SLC18B1: variants seen among roughly 807,000 people sequenced by gnomAD.
SLC18B1 encodes the protein solute carrier family 18 member B1, also known as MFS-type transporter SLC18B1.
A neutral mutation model predicts 53.9 loss-of-function variants in SLC18B1; 62 were observed. The ratio of observed to expected loss-of-function variants is 1.15; its 90% CI spans 0.94 to 1.42. The LOEUF (loss-of-function observed/expected upper bound fraction) is 1.42. Among genes scored for constraint, SLC18B1 ranks in the 40% most tolerant of loss-of-function variants. The pLI, the probability that SLC18B1 is intolerant of heterozygous loss-of-function variation, is 0.00. For synonymous variants in SLC18B1, 217 were observed against 200.9 expected, an observed-to-expected ratio of 1.08 and a Z score of -0.68; for missense variants, 598 against 547.3, an observed-to-expected ratio of 1.09 and a Z score of -0.93.
chr6:132,781,388 G>C (rs113042091), intron 6 of SLC18B1, among the ~76,000 whole-genome samples: 3 of 152,096 alleles, frequency 2.0e-5, no homozygotes, highest in African/African-American at 7.2e-5. Flanking sequence ...CAGGTGTGAG[G>C]GGACAGGAAA....
chr6:132,774,150 T>C (rs1781043402), intron 9 of SLC18B1, 72 bp downstream of exon 9: 15 of 1,106,408 alleles, frequency 1.4e-5, no homozygotes, highest in Non-Finnish European at 2.0e-5. Context: ...ACTATACCAA[T>C]GTTAAAACAA....
chr6:132,793,872 A>G lies in SLC18B1; in HGVS notation c.183+3110T>C, dbSNP rs141351628. Reference sequence around the variant, plus strand: ...ATAAAATGAACTTTAATTCTTTAAAAGCTTGACTTTTTTCTTTGGTCATCA... The same window carrying G: ...ATAAAATGAACTTTAATTCTTTAAAGGCTTGACTTTTTTCTTTGGTCATCA... On this transcript the variant is annotated intron_variant, in intron 2 of 13. Coordinates refer to ENST00000275227, the MANE Select transcript of SLC18B1 (RefSeq NM_052831.3). 4.8e-3 allele frequency among the ~76,000 whole-genome samples: 726 copies of G among 152,280 alleles called. 3 individuals are homozygous for G. Among genetic ancestry groups the G allele is most frequent in the African/African-American group, 0.017 (699 of 41,568 alleles).
At position 132,798,446 on chromosome 6, in the gene SLC18B1, A is replaced by G. The variant is rs1422303812; in HGVS notation, c.11T>C (p.Leu4Pro). MEA[L>P]GDLEGPRAPG... ...TGCGCGTGGTCCCTCCAGGTCACCC[A>G]GCGCCTCCATCCCCGGTGCGTGGAC... Residue 4 changes from leucine (L) to proline (P), a missense_variant, in exon 1 of 14, where the codon CTG becomes CCG. Coordinates refer to ENST00000275227, the MANE Select transcript of SLC18B1 (RefSeq NM_052831.3). 6.6e-7 allele frequency: 1 copy of G among 1,526,542 alleles called. No individual in the cohort carries two copies. The highest frequency in any genetic ancestry group is 8.8e-7 in the Non-Finnish European group (1 of 1,133,714). 94.6% of individuals were successfully genotyped at this position (1,526,542 alleles called of 1,614,324 possible).
chr6:132,798,277 G>A, intron 1 of SLC18B1, 137 bp downstream of exon 1: 1 of 918,062 alleles, frequency 1.1e-6, no homozygotes. Context: ...ACGCTGGCCC[G>A]AACCCCACGA....
chr6:132,776,716 G>A (rs996543686), intron 7 of SLC18B1, among the ~76,000 whole-genome samples: 12 of 152,124 alleles, frequency 7.9e-5, no homozygotes, highest in African/African-American at 2.9e-4. Flanking sequence ...TTAATGTTTT[G>A]CAAACTTCAA....
intron 4 of SLC18B1, 44 bp downstream of exon 4, chr6:132,789,720 C>A: frequency 7.5e-7 from 1 of 1,335,380 alleles, no homozygotes. Flanking sequence ...AGATACATTA[C>A]AAAATCTGTT....
intron 6 of SLC18B1, among the ~76,000 whole-genome samples, chr6:132,782,546 T>A (rs771214144): frequency 4.6e-5 from 7 of 152,148 alleles, no homozygotes; most frequent in Non-Finnish European, 1.0e-4. Context: ...TGTCCATGAC[T>A]CTATTTTAGA....
chr6:132,779,160 C>G, intron 7 of SLC18B1, 108 bp downstream of exon 7: 1 of 1,350,352 alleles, frequency 7.4e-7, no homozygotes, highest in Non-Finnish European at 1.0e-6. Flanking sequence ...GCCCATTCTA[C>G]CTTCTTCTCC....
intron 7 of SLC18B1, among the ~76,000 whole-genome samples, chr6:132,776,664 AC>A (rs147982876): frequency 0.028 from 4,298 of 152,260 alleles, 79 homozygotes; most frequent in South Asian, 0.056. Flanking sequence ...TTGGCATTAA[AC>A]ATATTTTGCT....
chr6:132,771,007 A>G, intron 12 of SLC18B1, 29 bp downstream of exon 12: 3 of 1,610,734 alleles, frequency 1.9e-6, no homozygotes, highest in Non-Finnish European at 1.7e-6. Context: ...AAATATAAGG[A>G]AAATGCAAAT....
In SLC18B1 at chr6:132,769,387, A is replaced by C. The variant is rs1001581755; in HGVS notation, c.*883T>G. The C allele has an allele frequency of 6.6e-6, 1 of 152,222 alleles. No individual in the cohort carries two copies. The highest frequency in any genetic ancestry group is 2.4e-5 in the African/African-American group (1 of 41,458). The allele number at this position is 152,222 out of a possible 1,614,324, so 9.4% of individuals were successfully genotyped here. ...AAGAAGCATGAGAGTTACACAATAG[A>C]CATTTATTCACTTCAACATCACAAT... On this transcript the variant is annotated 3_prime_UTR_variant, in exon 14 of 14. Coordinates refer to ENST00000275227, the MANE Select transcript of SLC18B1 (RefSeq NM_052831.3).
chr6:132,793,995 G>T (rs1005349819), intron 2 of SLC18B1, among the ~76,000 whole-genome samples: 2 of 152,054 alleles, frequency 1.3e-5, no homozygotes, highest in African/African-American at 4.8e-5. Context: ...ACTAACATTA[G>T]TTGCACTCAC....
chr6:132,771,383 T>A (rs1215519815), intron 11 of SLC18B1, among the ~76,000 whole-genome samples: 2 of 152,160 alleles, frequency 1.3e-5, no homozygotes, highest in African/African-American at 2.4e-5. Flanking sequence ...ATAAAAAATA[T>A]GAAACAGATT....
intron 9 of SLC18B1, among the ~76,000 whole-genome samples, chr6:132,773,682 T>A (rs968053467): frequency 6.6e-6 from 1 of 152,222 alleles, no homozygotes; most frequent in Non-Finnish European, 1.5e-5. Flanking sequence ...AACTCAGGTC[T>A]GAAGGACTCT....
intron 13 of SLC18B1, 147 bp downstream of exon 13, chr6:132,770,742 TA>T: frequency 1.3e-6 from 1 of 791,142 alleles, no homozygotes. Context: ...TCTCAAAAAA[TA>T]AAAATTAAAA....
chr6:132,785,908 A>G (rs1781357932), intron 5 of SLC18B1, among the ~76,000 whole-genome samples: 1 of 151,238 alleles, frequency 6.6e-6, no homozygotes, highest in Non-Finnish European at 1.5e-5. Flanking sequence ...AAAAAAAAAA[A>G]AAAAAAAAGA....
At chr6:132,790,592 A>G (rs760366939) in intron 2 of SLC18B1, among the ~76,000 whole-genome samples, 2 of 152,210 alleles carry the variant, frequency 1.3e-5, no homozygotes, top group South Asian at 2.1e-4. Flanking sequence ...TTTGGGCTCT[A>G]TTGCATAGTC....
At chr6:132,786,550 C>T (rs1169970103) in intron 5 of SLC18B1, among the ~76,000 whole-genome samples, 7 of 101,428 alleles carry the variant, frequency 6.9e-5, no homozygotes, top group Non-Finnish European at 1.3e-4. Context: ...CTCCATCCCC[C>T]ACTCCAAAAA....
chr6:132,795,094 T>G (rs1781638199), intron 2 of SLC18B1, among the ~76,000 whole-genome samples: 1 of 152,078 alleles, frequency 6.6e-6, no homozygotes, highest in African/African-American at 2.4e-5. Context: ...ATGGCAGAAT[T>G]AACCATTCTT....
Sources: gnomAD v4.1 joint callset for allele counts (sites outside exome capture counted in the v4.1 genomes callset) on GRCh38, gnomAD v4.1.1 for gene constraint, MANE v1.5 for transcripts, NCBI Gene and HGNC (gene_info 2026-07-23, HGNC 2026-07-21) for gene names.